The following SMIM14 variants were observed in gnomAD, a reference collection of about 807,000 sequenced individuals.
The protein encoded by SMIM14 is small integral membrane protein 14, also known as chromosome 4 open reading frame 34.
A neutral mutation model predicts 12.6 loss-of-function variants in SMIM14; 5 were observed. The observed-to-expected ratio is 0.40, with a 90% confidence interval of 0.21 to 0.83. The LOEUF (loss-of-function observed/expected upper bound fraction) is 0.83. Ranked by LOEUF, SMIM14 falls within the 40% of genes least tolerant of loss-of-function variation. The pLI is 0.37. For synonymous variants in SMIM14, 30 were observed against 40.1 expected, an observed-to-expected ratio of 0.75 and a Z score of 0.95; for missense variants, 86 against 119.1, an observed-to-expected ratio of 0.72 and a Z score of 1.29.
intron 1 of SMIM14, among the ~76,000 whole-genome samples, chr4:39,605,773 C>T (rs1714779898): frequency 6.6e-6 from 1 of 152,150 alleles, no homozygotes; most frequent in African/African-American, 2.4e-5. Context: ...CAGAGTCTCG[C>T]TCTGTCGCCC....
chr4:39,608,967 CATTTT>C (rs1714915867), intron 1 of SMIM14, among the ~76,000 whole-genome samples: 4 of 152,024 alleles, frequency 2.6e-5, no homozygotes, highest in Admixed American at 2.0e-4. Flanking sequence ...CTGTAATGTA[CATTTT>C]ATTTTATTTT....
At chr4:39,565,263 A>G (rs1399986513) in intron 3 of SMIM14, among the ~76,000 whole-genome samples, 1 of 152,198 alleles carries the variant, frequency 6.6e-6, no homozygotes, top group Non-Finnish European at 1.5e-5. Context: ...AACAGGATTC[A>G]GATCATGTTG....
chr4:39,629,826 T>C (rs1715838054), intron 1 of SMIM14, among the ~76,000 whole-genome samples: 1 of 151,958 alleles, frequency 6.6e-6, no homozygotes, highest in Non-Finnish European at 1.5e-5. Flanking sequence ...GGGGTCTCGA[T>C]GTGTTGCCCA....
intron 1 of SMIM14, among the ~76,000 whole-genome samples, chr4:39,616,658 A>G (rs1422263611): frequency 1.4e-5 from 2 of 147,868 alleles, no homozygotes; most frequent in African/African-American, 4.9e-5. Flanking sequence ...AAAAAAAAAG[A>G]AAAGAAAAAG....
chr4:39,556,656 C>T (rs1259732969), intron 3 of SMIM14, 86 bp from the exon 4 acceptor site: 19 of 1,159,674 alleles, frequency 1.6e-5, no homozygotes, highest in Non-Finnish European at 2.1e-5. Flanking sequence ...GTTTCAATTA[C>T]TGTATTAATA....
At chr4:39,597,569 G>C (rs957717111) in intron 2 of SMIM14, among the ~76,000 whole-genome samples, 1 of 150,478 alleles carries the variant, frequency 6.6e-6, no homozygotes, top group Non-Finnish European at 1.5e-5. Flanking sequence ...TCAGCCTCCC[G>C]AGTAGCTGGG....
intron 1 of SMIM14, among the ~76,000 whole-genome samples, chr4:39,630,936 TAAAC>T (rs926059990): frequency 1.0e-4 from 15 of 149,388 alleles, no homozygotes; most frequent in African/African-American, 2.5e-4. Flanking sequence ...ACAAATAAAA[TAAAC>T]AAACAGATTT....
At chr4:39,561,039 C>A (rs201833451) in intron 3 of SMIM14, among the ~76,000 whole-genome samples, 12 of 150,630 alleles carry the variant, frequency 8.0e-5, no homozygotes, top group Non-Finnish European at 1.8e-4. Context: ...ATTTTTTTTT[C>A]TTTTTTTTTA....
intron 2 of SMIM14, among the ~76,000 whole-genome samples, chr4:39,584,481 CAAAAAAAAAA>C (rs554273493): frequency 3.6e-5 from 1 of 27,656 alleles, no homozygotes; most frequent in East Asian, 1.1e-3. Flanking sequence ...GACACTGTCT[CAAAAAAAAAA>C]AAAAAAAAAA....
chr4:39,573,858 GT>G (rs1713024280), intron 2 of SMIM14, among the ~76,000 whole-genome samples: 1 of 152,102 alleles, frequency 6.6e-6, no homozygotes, highest in Non-Finnish European at 1.5e-5. Flanking sequence ...AGGAGCTGAA[GT>G]TTTCAATGTC....
intron 1 of SMIM14, among the ~76,000 whole-genome samples, chr4:39,632,277 C>G (rs764431167): frequency 2.0e-4 from 31 of 151,254 alleles, no homozygotes; most frequent in Non-Finnish European, 3.5e-4. Flanking sequence ...GTCAAGAGAT[C>G]AAGACCATCC....
chr4:39,590,370 G>A lies in SMIM14; in HGVS notation c.75+14701C>T, dbSNP rs568063439. Among the ~76,000 whole-genome samples, 31 of 150,206 alleles carry A rather than the reference G, an allele frequency of 2.1e-4. No homozygotes were observed. The South Asian group carries it at 6.6e-3, about 32-fold the overall frequency. On this transcript the variant is annotated intron_variant, in intron 2 of 4. Transcript: ENST00000295958. ...GGAAGTTACGGTGACCCGAGAATGC[G>A]CCATTGCACTCCAGCCTGAGCAACA...
At position 39,602,552 on chromosome 4, in the gene SMIM14, A is replaced by T. The variant is rs1005084478; in HGVS notation, c.75+2519T>A. Among the ~76,000 whole-genome samples the T allele has an allele frequency of 3.3e-5, 5 of 152,056 alleles. 1 individual carries two copies. Among genetic ancestry groups the T allele is most frequent in the Non-Finnish European group, 2.9e-5 (2 of 68,010 alleles). Reference sequence around the variant, plus strand: ...AGACGTTGCAGTGAGCCTAGACTGCATCATTGTACTCCAGCCTGGGCAACA... The same window carrying T: ...AGACGTTGCAGTGAGCCTAGACTGCTTCATTGTACTCCAGCCTGGGCAACA... On this transcript the variant is annotated intron_variant, in intron 2 of 4. Coordinates refer to ENST00000295958, the MANE Select transcript of SMIM14 (RefSeq NM_174921.3).
chr4:39,589,373 C>T (rs964567008), intron 2 of SMIM14, among the ~76,000 whole-genome samples: 39 of 152,206 alleles, frequency 2.6e-4, no homozygotes, highest in African/African-American at 9.4e-4. Context: ...AGGCATGAGC[C>T]ACTGCACCTG....
chr4:39,583,081 C>T (rs191639895), intron 2 of SMIM14, among the ~76,000 whole-genome samples: 5 of 152,026 alleles, frequency 3.3e-5, no homozygotes, highest in Non-Finnish European at 7.4e-5. Context: ...CGTGAGCCAC[C>T]GCATCCAGCC....
At chr4:39,597,720 T>A (rs1490159237) in intron 2 of SMIM14, among the ~76,000 whole-genome samples, 2 of 152,188 alleles carry the variant, frequency 1.3e-5, no homozygotes, top group African/African-American at 2.4e-5. Context: ...ATAACCGTAA[T>A]GTTCATGATT....
chr4:39,611,433 G>T (rs142946778), intron 1 of SMIM14, among the ~76,000 whole-genome samples: 3 of 152,120 alleles, frequency 2.0e-5, no homozygotes, highest in South Asian at 2.1e-4. Flanking sequence ...TTGAACTCGG[G>T]GGGTGGAGGT....
chr4:39,596,173 G>A lies in SMIM14; in HGVS notation c.75+8898C>T, dbSNP rs190848482. Among the ~76,000 whole-genome samples, 321 of 151,692 alleles carry A rather than the reference G, an allele frequency of 2.1e-3. 1 individual carries two copies. Among genetic ancestry groups the A allele is most frequent in the Admixed American group, 6.1e-3 (93 of 15,202 alleles). On this transcript the variant is annotated intron_variant, in intron 2 of 4. Transcript: ENST00000295958. ...TGCAATGGCGTGATCTCGGCTCACC[G>A]CAACCTCCACCTCCCAGGTCCAAGC...
chr4:39,623,323 T>C (rs919769620), intron 1 of SMIM14, among the ~76,000 whole-genome samples: 10 of 152,242 alleles, frequency 6.6e-5, no homozygotes, highest in African/African-American at 2.2e-4. Flanking sequence ...AAATTATTAA[T>C]ACATAAAAGG....
Sources: gnomAD v4.1 joint callset for allele counts (sites outside exome capture counted in the v4.1 genomes callset) on GRCh38, gnomAD v4.1.1 for gene constraint, MANE v1.5 for transcripts, NCBI Gene and HGNC (gene_info 2026-07-23, HGNC 2026-07-21) for gene names.